Variants in RMC1 observed in about 807,000 individuals in gnomAD.
RMC1 encodes the protein regulator of MON1-CCZ1 complex.
RMC1 carries 44 observed loss-of-function variants against 95.5 expected under a neutral mutation model. The observed-to-expected ratio is 0.46, with a 90% CI of 0.36 to 0.59. The LOEUF (loss-of-function observed/expected upper bound fraction) is 0.59. Ranked by LOEUF, RMC1 falls within the 20% of genes least tolerant of loss-of-function variation. The pLI is 0.00. For synonymous variants in RMC1, 320 were observed against 303.6 expected (o/e 1.05, Z -0.56); for missense variants, 705 against 819.6 (o/e 0.86, Z 1.71).
At chr18:23,520,180 G>A (rs1168157064) in intron 9 of RMC1, 22 bp from the exon 10 acceptor site, 2 of 1,591,494 alleles carry the variant, frequency 1.3e-6, no homozygotes, top group Non-Finnish European at 1.7e-6. Flanking sequence ...TTTGGCCTCA[G>A]TCTTGTCTTT....
intron 2 of RMC1, 35 bp downstream of exon 2, chr18:23,504,482 T>G: frequency 6.6e-7 from 1 of 1,524,770 alleles, no homozygotes; most frequent in Non-Finnish European, 9.1e-7. Flanking sequence ...CATTTTGTCA[T>G]GTAAACAGAA....
At chr18:23,527,760 G>C (rs763035519) in intron 13 of RMC1, 35 bp from the exon 14 acceptor site, 6 of 1,526,680 alleles carry the variant, frequency 3.9e-6, no homozygotes, top group Non-Finnish European at 5.5e-6. Context: ...ACATGAAGTT[G>C]GTTTGATCCG....
chr18:23,528,015 T>C, intron 14 of RMC1, 114 bp downstream of exon 14: 1 of 876,128 alleles, frequency 1.1e-6, no homozygotes, highest in South Asian at 1.8e-5. Context: ...GTCGCTGAGA[T>C]TTGCCGCCTG....
chr18:23,530,396 A>G lies in RMC1; in HGVS notation c.1678A>G (p.Thr560Ala). ...LSLDMLKRLS[T>A]ANDEIVEVLL... ...TCTCCCTTACTGCTAGCGACTTTCAACAGCAAATGATGAAATAGTAGAAGT... is the reference window on the plus strand; with the variant it reads ...TCTCCCTTACTGCTAGCGACTTTCAGCAGCAAATGATGAAATAGTAGAAGT... The change falls in exon 19 of 20, where the codon ACA becomes GCA. Residue 560 changes from threonine (T) to alanine (A), a missense_variant. Coordinates refer to ENST00000269221, the MANE Select transcript of RMC1 (RefSeq NM_013326.5). 6.2e-7 allele frequency: 1 copy of G among 1,614,152 alleles called. No individual in the cohort carries two copies. The highest frequency in any genetic ancestry group is 1.1e-5 in the South Asian group (1 of 91,084).
At chr18:23,520,372 A>G in intron 10 of RMC1, 59 bp downstream of exon 10, 1 of 1,357,472 alleles carries the variant, frequency 7.4e-7, no homozygotes, top group Non-Finnish European at 1.0e-6. Context: ...CTGTGTTCTC[A>G]CCATGATCTT....
chr18:23,525,493 C>T (rs1384748862), intron 12 of RMC1, among the ~76,000 whole-genome samples: 3 of 151,672 alleles, frequency 2.0e-5, no homozygotes, highest in Admixed American at 6.6e-5. Flanking sequence ...GGTGCCATCT[C>T]GGCTCACTGC....
At position 23,530,626 on chromosome 18, in the gene RMC1, G is replaced by C. The variant is rs753183438; in HGVS notation, c.1894+14G>C. ...ATTTCACACCAGGTGAGAATGCAAT[G>C]AAAAGACTTGGGGTAACCATAGCCT... On this transcript the variant is annotated intron_variant, in intron 19 of 19. Transcript: ENST00000269221. The C allele has an allele frequency of 5.6e-6, 9 of 1,609,786 alleles. No homozygotes were observed. The South Asian group carries it at 9.9e-5, about 18-fold the overall frequency.
intron 14 of RMC1, 30 bp downstream of exon 14, chr18:23,527,931 C>A: frequency 6.6e-7 from 1 of 1,514,854 alleles, no homozygotes; most frequent in Non-Finnish European, 9.1e-7. Flanking sequence ...ACAAAGGGTC[C>A]TCCTCCCCCA....
intron 5 of RMC1, among the ~76,000 whole-genome samples, chr18:23,513,182 G>A (rs1180202235): frequency 6.6e-6 from 1 of 152,154 alleles, no homozygotes; most frequent in African/African-American, 2.4e-5. Context: ...TTGAACTCCT[G>A]ACTTCAGGTG....
chr18:23,526,853 GT>G, intron 13 of RMC1, 88 bp downstream of exon 13: 8 of 1,517,282 alleles, frequency 5.3e-6, no homozygotes. Context: ...CTACATTGTT[GT>G]GTCTTGTCTG....
intron 2 of RMC1, among the ~76,000 whole-genome samples, chr18:23,505,673 A>T (rs2057695508): frequency 6.6e-6 from 1 of 152,240 alleles, no homozygotes; most frequent in South Asian, 2.1e-4. Context: ...AGTAGCAATC[A>T]GCGAGCCATG....
In RMC1 at chr18:23,503,550, C is replaced by A; in HGVS notation, c.-69C>A. 2 of 1,176,968 alleles carry A rather than the reference C, an allele frequency of 1.7e-6. No homozygotes were observed. Among genetic ancestry groups the A allele is most frequent in the Non-Finnish European group, 2.3e-6 (2 of 867,348 alleles). 72.9% of individuals were successfully genotyped at this position (1,176,968 alleles called of 1,614,324 possible). On this transcript the variant is annotated 5_prime_UTR_variant, in exon 1 of 20. Coordinates refer to ENST00000269221, the MANE Select transcript of RMC1 (RefSeq NM_013326.5). ...AGCCGCCGCTACAGTCCGGGCCGGG[C>A]TCCACCGCGCATCCTGCTCCACTCT...
At chr18:23,503,788 C>T (rs2057650286) in intron 1 of RMC1, 68 bp downstream of exon 1, 2 of 1,358,224 alleles carry the variant, frequency 1.5e-6, no homozygotes, top group African/African-American at 1.5e-5. Flanking sequence ...AAGGCCGGTC[C>T]CGCGCGACCA....
In RMC1 at chr18:23,527,920, G is replaced by T; in HGVS notation, c.1296+19G>T. ...TGCGATGGTGAGTTACATGGAGTAT[G>T]ACAAAGGGTCCTCCTCCCCCACCCC... is the stretch of plus-strand genomic sequence containing the variant. On this transcript the variant is annotated intron_variant, in intron 14 of 19. Coordinates refer to ENST00000269221, the MANE Select transcript of RMC1 (RefSeq NM_013326.5). 1 of 1,578,046 alleles carries T rather than the reference G, an allele frequency of 6.3e-7. No homozygotes were observed. Among genetic ancestry groups the T allele is most frequent in the South Asian group, 1.1e-5 (1 of 88,514 alleles).
At chr18:23,518,841 G>A (rs878952512) in intron 7 of RMC1, 49 bp from the exon 8 acceptor site, 5 of 1,551,534 alleles carry the variant, frequency 3.2e-6, no homozygotes, top group Non-Finnish European at 4.4e-6. Context: ...TAGAACAAAG[G>A]AATTTTGAAT....
chr18:23,522,080 C>G (rs888192071), intron 10 of RMC1, among the ~76,000 whole-genome samples: 3 of 152,342 alleles, frequency 2.0e-5, no homozygotes, highest in African/African-American at 7.2e-5. Flanking sequence ...CAGAATCGCA[C>G]TCTGGCTGAA....
chr18:23,529,756 T>C (rs1220734058), intron 16 of RMC1, 44 bp downstream of exon 16: 3 of 1,423,472 alleles, frequency 2.1e-6, no homozygotes, highest in Non-Finnish European at 2.9e-6. Context: ...AGAAGGAATT[T>C]AAAAAAAAAA....
In RMC1 at chr18:23,524,581, A is replaced by G. The variant is rs1441062059; in HGVS notation, c.1060+99A>G. On this transcript the variant is annotated intron_variant, in intron 12 of 19. Transcript: ENST00000269221. ...CGTTTTCAAGGTGAATCTCTTAGAA[A>G]TGACCCCTCCTTTCAAGCGTGGGAA... 2.3e-5 allele frequency: 28 copies of G among 1,225,762 alleles called. No individual in the cohort carries two copies. The East Asian group carries it at 4.2e-4, about 18-fold the overall frequency. 75.9% of individuals were successfully genotyped at this position (1,225,762 alleles called of 1,614,324 possible). A position where few individuals can be genotyped will look rare whatever the true frequency, so the allele number is the denominator to read the frequency against.
intron 12 of RMC1, among the ~76,000 whole-genome samples, chr18:23,524,738 A>G (rs1408946545): frequency 6.6e-6 from 1 of 152,010 alleles, no homozygotes. Flanking sequence ...TGGAAAAGCC[A>G]GACTCCACCC....
Sources: gnomAD v4.1 joint callset for allele counts (sites outside exome capture counted in the v4.1 genomes callset) on GRCh38, gnomAD v4.1.1 for gene constraint, MANE v1.5 for transcripts, NCBI Gene and HGNC (gene_info 2026-07-23, HGNC 2026-07-21) for gene names.